The following FGF12 variants were observed in gnomAD, a reference collection of about 807,000 sequenced individuals.
FGF12 encodes the protein fibroblast growth factor 12B.
A neutral mutation model predicts 23.6 loss-of-function variants in FGF12; 14 were observed. That is an observed-to-expected ratio of 0.59 (90% CI 0.39 to 0.93). FGF12 has a LOEUF of 0.93. Ranked by LOEUF, FGF12 falls within the 40% of genes least tolerant of loss-of-function variation. The pLI is 0.00. For missense variants in FGF12, 175 were observed against 217.8 expected (o/e 0.80, Z 1.24); for synonymous variants, 62 against 77.3 (o/e 0.80, Z 1.04).
intron 4 of FGF12, among the ~76,000 whole-genome samples, chr3:192,308,443 C>T (rs1715765998): frequency 1.3e-5 from 2 of 152,098 alleles, no homozygotes; most frequent in South Asian, 2.1e-4. Context: ...TTTGGGAGGC[C>T]GAGGCGGGCA....
chr3:192,597,110 C>G (rs1713889262), intron 2 of FGF12, among the ~76,000 whole-genome samples: 1 of 152,100 alleles, frequency 6.6e-6, no homozygotes, highest in Non-Finnish European at 1.5e-5. Flanking sequence ...AATGTACATA[C>G]AGAGTACCTA....
At chr3:192,542,707 C>A (rs1725400697) in intron 2 of FGF12, among the ~76,000 whole-genome samples, 1 of 151,818 alleles carries the variant, frequency 6.6e-6, no homozygotes, top group African/African-American at 2.4e-5. Flanking sequence ...GTCACTGCAG[C>A]CCCATCTGTA....
chr3:192,320,429 A>G (rs1364893025), intron 4 of FGF12, among the ~76,000 whole-genome samples: 2 of 152,192 alleles, frequency 1.3e-5, no homozygotes, highest in Non-Finnish European at 2.9e-5. Context: ...AAAATCAACA[A>G]AGAAATAAAC....
intron 2 of FGF12, among the ~76,000 whole-genome samples, chr3:192,588,266 C>T (rs1275476379): frequency 5.6e-5 from 8 of 141,700 alleles, no homozygotes; most frequent in Non-Finnish European, 1.1e-4. Flanking sequence ...AGGAGAATGG[C>T]GTGAACCCGG....
At chr3:192,562,897 C>T (rs1253234353) in intron 2 of FGF12, among the ~76,000 whole-genome samples, 3 of 152,104 alleles carry the variant, frequency 2.0e-5, no homozygotes, top group Non-Finnish European at 4.4e-5. Context: ...TCATCCTGAA[C>T]GTTCTCTATC....
intron 2 of FGF12, among the ~76,000 whole-genome samples, chr3:192,699,079 T>G (rs1718216407): frequency 6.6e-6 from 1 of 152,208 alleles, no homozygotes; most frequent in African/African-American, 2.4e-5. Context: ...CTGCCATCAG[T>G]GTTTCCCGAT....
chr3:192,311,485 T>C (rs1012270746), intron 4 of FGF12, among the ~76,000 whole-genome samples: 5 of 152,256 alleles, frequency 3.3e-5, no homozygotes, highest in African/African-American at 1.2e-4. Flanking sequence ...TTACTGCTTT[T>C]TGTTGCCAAA....
At chr3:192,334,570 C>A in intron 4 of FGF12, among the ~76,000 whole-genome samples, 2 of 152,076 alleles carry the variant, frequency 1.3e-5, no homozygotes, top group Middle Eastern at 6.8e-3. Flanking sequence ...ATTCTCTCAA[C>A]GCATAAATTA....
intron 2 of FGF12, among the ~76,000 whole-genome samples, chr3:192,624,826 A>T (rs1190184748): frequency 6.6e-6 from 1 of 152,166 alleles, no homozygotes. Flanking sequence ...CATACATTTT[A>T]AAAGTCTCTA....
Position 192,639,845 on chromosome 3 carries a change from T to C in FGF12, c.13+87336A>G, listed in dbSNP as rs553814055. ...GGGAGGTCCTGAAACCAAACCCCTA[T>C]AGACACTAAGGTAGGACTGTATATA... is the stretch of plus-strand genomic sequence containing the variant. On this transcript the variant is annotated intron_variant, in intron 2 of 5. Coordinates refer to ENST00000445105, the MANE Select transcript of FGF12 (RefSeq NM_004113.6). Among the ~76,000 whole-genome samples the C allele has an allele frequency of 2.6e-5, 4 of 152,244 alleles. No individual in the cohort carries two copies. In the East Asian group the frequency reaches 5.8e-4, roughly 22 times the overall value.
chr3:192,379,046 T>C (rs1375943423), intron 2 of FGF12, among the ~76,000 whole-genome samples: 1 of 152,182 alleles, frequency 6.6e-6, no homozygotes. Context: ...CTAAGGATAA[T>C]GGCTTCCAGC....
In FGF12 at chr3:192,262,886, C is replaced by T. The variant is rs752656220; in HGVS notation, c.228+72475G>A. On this transcript the variant is annotated intron_variant, in intron 4 of 5. Transcript: ENST00000445105. ...AACTACTCCCCCATACACACACACACACGCATCCTGCAGAAAGGGAGAGAG... is the reference window on the plus strand; with the variant it reads ...AACTACTCCCCCATACACACACACATACGCATCCTGCAGAAAGGGAGAGAG... 5.3e-5 allele frequency among the ~76,000 whole-genome samples: 8 copies of T among 152,064 alleles called. No individual in the cohort carries two copies. The East Asian group carries it at 1.6e-3, about 29-fold the overall frequency.
intron 2 of FGF12, among the ~76,000 whole-genome samples, chr3:192,593,454 C>T (rs751680749): frequency 3.3e-5 from 5 of 151,998 alleles, no homozygotes; most frequent in Non-Finnish European, 5.9e-5. Context: ...CTGATATATG[C>T]TCATTTCCAC....
chr3:192,265,451 G>C (rs191522871), intron 4 of FGF12: 5 of 152,224 alleles, frequency 3.3e-5, no homozygotes, highest in Admixed American at 3.3e-4. Flanking sequence ...TATTTCTCAT[G>C]ATAAGTATTG....
At chr3:192,631,759 A>C (rs1231353924) in intron 2 of FGF12, among the ~76,000 whole-genome samples, 1 of 152,228 alleles carries the variant, frequency 6.6e-6, no homozygotes, top group Non-Finnish European at 1.5e-5. Flanking sequence ...TGGAAGGCTA[A>C]AGACAGAGCA....
chr3:192,411,979 G>A (rs1721213764), intron 2 of FGF12, among the ~76,000 whole-genome samples: 1 of 151,646 alleles, frequency 6.6e-6, no homozygotes, highest in Non-Finnish European at 1.5e-5. Context: ...CAAAGAAAAT[G>A]CATGAGATTC....
chr3:192,556,359 T>A (rs1711775286), intron 2 of FGF12, among the ~76,000 whole-genome samples: 1 of 152,074 alleles, frequency 6.6e-6, no homozygotes, highest in Non-Finnish European at 1.5e-5. Context: ...GCAAAGAGAA[T>A]CATGGTAACC....
intron 2 of FGF12, among the ~76,000 whole-genome samples, chr3:192,646,112 G>T (rs553821869): frequency 6.6e-6 from 1 of 152,286 alleles, no homozygotes; most frequent in Non-Finnish European, 1.5e-5. Context: ...GAAAAGGTCA[G>T]TGTGGTTGGG....
At chr3:192,525,568 T>A (rs935119108) in intron 2 of FGF12, among the ~76,000 whole-genome samples, 12 of 152,226 alleles carry the variant, frequency 7.9e-5, no homozygotes, top group Admixed American at 6.5e-5. Context: ...ATATTCCAAC[T>A]GCCTTCAATT....
Sources: gnomAD v4.1 joint callset for allele counts (sites outside exome capture counted in the v4.1 genomes callset) on GRCh38, gnomAD v4.1.1 for gene constraint, MANE v1.5 for transcripts, NCBI Gene and HGNC (gene_info 2026-07-23, HGNC 2026-07-21) for gene names.